ANO1: variants seen among roughly 807,000 people sequenced by gnomAD.
The protein encoded by ANO1 is anoctamin 1.
ANO1 carries 59 observed loss-of-function variants against 124.0 expected under a neutral mutation model. The observed-to-expected ratio is 0.48, with a 90% confidence interval of 0.39 to 0.59. ANO1 has a LOEUF of 0.59. Among genes scored for constraint, ANO1 ranks in the 20% least tolerant of loss-of-function variants. ANO1 has a pLI of 0.00. For synonymous variants in ANO1, 529 were observed against 532.0 expected, an observed-to-expected ratio of 0.99 and a Z score of 0.08; for missense variants, 1,059 against 1,328.0, an observed-to-expected ratio of 0.80 and a Z score of 3.15.
At chr11:70,024,355 G>A (rs1856855164) in intron 1 of ANO1, among the ~76,000 whole-genome samples, 1 of 152,174 alleles carries the variant, frequency 6.6e-6, no homozygotes, top group African/African-American at 2.4e-5. Context: ...GCTGAAAGGG[G>A]GCAGTGGTGT....
At chr11:70,034,092 C>T in intron 1 of ANO1, among the ~76,000 whole-genome samples, 1 of 152,126 alleles carries the variant, frequency 6.6e-6, no homozygotes, top group East Asian at 1.9e-4. Flanking sequence ...CTACGCAAAC[C>T]CTGTAATTTC....
chr11:70,014,829 GT>G (rs5792503), intron 1 of ANO1: 101,115 of 140,428 alleles, frequency 0.72, 36,649 homozygotes, highest in East Asian at 0.96. Context: ...TTTTGTTTTT[GT>G]TTTTTTTTTT....
intron 11 of ANO1, among the ~76,000 whole-genome samples, chr11:70,140,078 C>T (rs1210374190): frequency 6.6e-6 from 1 of 152,216 alleles, no homozygotes; most frequent in Non-Finnish European, 1.5e-5. Flanking sequence ...TCTGTAACCC[C>T]ACAGCAGACC....
chr11:69,967,302 A>G, the ANO1 span, among the ~76,000 whole-genome samples: 4 of 152,182 alleles, frequency 2.6e-5, no homozygotes, highest in South Asian at 2.1e-4. Flanking sequence ...GAGCGCCTGT[A>G]TCGCACATTA....
intron 10 of ANO1, among the ~76,000 whole-genome samples, chr11:70,131,339 C>G (rs2515265): frequency 0.58 from 87,795 of 151,142 alleles, 25,614 homozygotes; most frequent in Non-Finnish European, 0.62. Flanking sequence ...GTGTGCGCGT[C>G]TGTGTTGAGA....
intron 1 of ANO1, among the ~76,000 whole-genome samples, chr11:70,005,198 G>T (rs2087774): frequency 0.49 from 73,719 of 151,360 alleles, 19,220 homozygotes; most frequent in East Asian, 0.89. Flanking sequence ...CATCTCTTTA[G>T]TCTTTAGAAC....
intron 1 of ANO1, among the ~76,000 whole-genome samples, chr11:69,992,984 C>T (rs1315959669): frequency 2.0e-5 from 3 of 152,176 alleles, no homozygotes; most frequent in Admixed American, 6.5e-5. Context: ...ACAGTAGATG[C>T]CCTCCTGGTA....
At chr11:70,055,919 G>A (rs1046150628) in intron 1 of ANO1, among the ~76,000 whole-genome samples, 10 of 151,852 alleles carry the variant, frequency 6.6e-5, no homozygotes, top group Non-Finnish European at 1.2e-4. Context: ...CACCACCTTT[G>A]GACAATGTGA....
chr11:70,171,714 C>A (rs1242864535), intron 22 of ANO1, among the ~76,000 whole-genome samples: 1 of 152,190 alleles, frequency 6.6e-6, no homozygotes, highest in Admixed American at 6.5e-5. Flanking sequence ...CTCCTGTAAT[C>A]CCAGTGCTTT....
chr11:70,057,558 T>C (rs1555007080), intron 1 of ANO1, among the ~76,000 whole-genome samples: 1 of 151,962 alleles, frequency 6.6e-6, no homozygotes, highest in African/African-American at 2.4e-5. Flanking sequence ...GGCAGTTTTA[T>C]AGGATTTGGG....
intron 8 of ANO1, 53 bp downstream of exon 8, chr11:70,116,552 C>G (rs2045983183): frequency 6.5e-6 from 10 of 1,547,798 alleles, no homozygotes; most frequent in Non-Finnish European, 7.9e-6. Flanking sequence ...TGGAGGCGTT[C>G]TGGGGCGGGG....
At chr11:70,044,684 T>C (rs1555005388) in intron 1 of ANO1, among the ~76,000 whole-genome samples, 1 of 152,206 alleles carries the variant, frequency 6.6e-6, no homozygotes, top group African/African-American at 2.4e-5. Context: ...TACATAGTCA[T>C]GAAGTATCTC....
intron 1 of ANO1, among the ~76,000 whole-genome samples, chr11:70,026,748 C>A (rs1392378668): frequency 6.6e-6 from 1 of 152,136 alleles, no homozygotes; most frequent in African/African-American, 2.4e-5. Flanking sequence ...AAGTGCTGAG[C>A]CTTTCTGAGC....
At chr11:70,010,575 A>T (rs1555000946) in intron 1 of ANO1, among the ~76,000 whole-genome samples, 1 of 152,108 alleles carries the variant, frequency 6.6e-6, no homozygotes, top group Non-Finnish European at 1.5e-5. Context: ...TCCTAGGCAG[A>T]TGAGGGGCTC....
At position 70,131,861 on chromosome 11, in the gene ANO1, AG is replaced by A. The variant is rs1230789599; in HGVS notation, c.1098-56del. 3 of 1,554,304 alleles carry A rather than the reference AG, an allele frequency of 1.9e-6. No individual in the cohort carries two copies. The African/African-American group carries it at 4.1e-5, about 21-fold the overall frequency. On this transcript the variant is annotated intron_variant, in intron 10 of 25. Coordinates refer to ENST00000355303, the MANE Select transcript of ANO1 (RefSeq NM_018043.7). ...TTTCTCCCAGGCCAGCTCGGCACCC[AG>A]GAGGTGCTCCATCATGGCCCAACAA...
intron 1 of ANO1, among the ~76,000 whole-genome samples, chr11:70,084,791 C>T (rs1424695243): frequency 6.6e-6 from 1 of 152,204 alleles, no homozygotes. Context: ...TGGGACAGAA[C>T]TGAGGCCTGC....
chr11:70,152,437 T>C lies in ANO1; in HGVS notation c.1342-13T>C. The stretch of plus-strand genomic sequence containing the variant: ...CTTTGTGTTTTTGTTTTTACTTTTC[T>C]GGTTCCCTGAAGGAGGCTGTCAAGG... On this transcript the variant is annotated splice_polypyrimidine_tract_variant and intron_variant, in intron 12 of 25. Transcript: ENST00000355303. 6.2e-7 allele frequency: 1 copy of C among 1,612,350 alleles called. No individual in the cohort carries two copies. The highest frequency in any genetic ancestry group is 8.5e-7 in the Non-Finnish European group (1 of 1,178,998).
chr11:69,989,400 T>A (rs77442946), intron 1 of ANO1, among the ~76,000 whole-genome samples: 5,452 of 152,026 alleles, frequency 0.036, 285 homozygotes, highest in East Asian at 0.27. Flanking sequence ...GGAAGAACAT[T>A]CCAGGCAGAA....
chr11:70,152,962 G>T, intron 13 of ANO1, 95 bp from the exon 14 acceptor site: 1 of 1,087,842 alleles, frequency 9.2e-7, no homozygotes, highest in Non-Finnish European at 1.4e-6. Context: ...GGTGCCCGAG[G>T]CTAATACATG....
Sources: allele counts gnomAD v4.1 joint callset (sites outside exome capture counted in the v4.1 genomes callset), GRCh38; gene constraint gnomAD v4.1.1; transcripts MANE v1.5; gene names NCBI Gene and HGNC (gene_info 2026-07-23, HGNC 2026-07-21).